Variants in ROBO2 observed in about 807,000 individuals in gnomAD.
ROBO2 encodes roundabout homolog 2.
Under a neutral mutation model 160.8 loss-of-function variants are expected in ROBO2, and 53 were observed. The observed-to-expected ratio is 0.33, with a 90% CI of 0.26 to 0.41. ROBO2 has a LOEUF of 0.41. ROBO2 is among the 10% of genes least tolerant of loss of function. The pLI is 1.00. For missense variants in ROBO2, 1,577 were observed against 1,722.4 expected, an observed-to-expected ratio of 0.92 and a Z score of 1.49; for synonymous variants, 664 against 611.7, an observed-to-expected ratio of 1.09 and a Z score of -1.26.
At chr3:77,023,019 A>G (rs1412372323) in intron 2 of ROBO2, among the ~76,000 whole-genome samples, 1 of 152,256 alleles carries the variant, frequency 6.6e-6, no homozygotes, top group East Asian at 1.9e-4. Context: ...CTACTCTAGG[A>G]ATCTCATATA....
intron 2 of ROBO2, among the ~76,000 whole-genome samples, chr3:76,481,870 A>G (rs1421482183): frequency 6.6e-6 from 1 of 152,110 alleles, no homozygotes; most frequent in African/African-American, 2.4e-5. Flanking sequence ...AGATCTCCCC[A>G]AAAGTGGATT....
chr3:77,549,076 G>C (rs1721187), intron 7 of ROBO2, among the ~76,000 whole-genome samples: 84,783 of 151,544 alleles, frequency 0.56, 23,778 homozygotes, highest in Middle Eastern at 0.68. Context: ...CACTCTCCAA[G>C]GCGGGAAGAG....
chr3:76,609,129 G>T (rs2087882199), intron 2 of ROBO2, among the ~76,000 whole-genome samples: 1 of 152,174 alleles, frequency 6.6e-6, no homozygotes, highest in Admixed American at 6.5e-5. Flanking sequence ...TCTTTCCCCA[G>T]TGCATGTTCT....
chr3:76,083,658 AACCAGC>A (rs2068912696), intron 2 of ROBO2, among the ~76,000 whole-genome samples: 1 of 152,142 alleles, frequency 6.6e-6, no homozygotes, highest in South Asian at 2.1e-4. Flanking sequence ...TCCCTGATAG[AACCAGC>A]ATCTGAAATG....
rs143918254 is a variant in ROBO2, at chr3:76,132,274, C to A, written c.109+194672C>A. Among the ~76,000 whole-genome samples, 461 of 151,954 alleles carry A rather than the reference C, an allele frequency of 3.0e-3. 4 individuals carry two copies. Among genetic ancestry groups the A allele is most frequent in the African/African-American group, 0.011 (444 of 41,468 alleles). The stretch of plus-strand genomic sequence containing the variant: ...AAATTGTGGCAATAGGAGAGACGTG[C>A]TACAGGGCAGCTCTTTGCTGCAGTG... On this transcript the variant is annotated intron_variant, in intron 2 of 26. Coordinates refer to the ROBO2 transcript ENST00000487694.
intron 4 of ROBO2, among the ~76,000 whole-genome samples, chr3:77,489,102 T>A (rs1364354077): frequency 1.3e-5 from 2 of 152,146 alleles, no homozygotes; most frequent in Non-Finnish European, 2.9e-5. Flanking sequence ...GAATAATACT[T>A]TAAAATATGT....
intron 2 of ROBO2, among the ~76,000 whole-genome samples, chr3:76,649,376 C>A (rs1206193413): frequency 6.6e-6 from 1 of 152,042 alleles, no homozygotes; most frequent in Non-Finnish European, 1.5e-5. Context: ...ATTTAATCAC[C>A]AAGAGAATTA....
chr3:77,358,516 A>G (rs1353531193), intron 2 of ROBO2, among the ~76,000 whole-genome samples: 1 of 152,240 alleles, frequency 6.6e-6, no homozygotes, highest in Non-Finnish European at 1.5e-5. Flanking sequence ...CCATAACAAC[A>G]GGAAAAACAC....
chr3:77,234,663 A>G (rs975597102), intron 2 of ROBO2, among the ~76,000 whole-genome samples: 2 of 152,204 alleles, frequency 1.3e-5, no homozygotes, highest in Non-Finnish European at 2.9e-5. Context: ...CACTTTCTTT[A>G]TCCTTTTGTA....
intron 2 of ROBO2, among the ~76,000 whole-genome samples, chr3:76,619,962 T>C (rs113671628): frequency 0.011 from 1,636 of 152,214 alleles, 28 homozygotes; most frequent in South Asian, 0.06. Context: ...AAAATAATTA[T>C]AATAATTAAC....
chr3:76,165,723 G>T (rs910714516), intron 2 of ROBO2, among the ~76,000 whole-genome samples: 7 of 152,150 alleles, frequency 4.6e-5, no homozygotes, highest in Middle Eastern at 6.8e-3. Context: ...AACACATAGA[G>T]ACCATTATAG....
intron 2 of ROBO2, among the ~76,000 whole-genome samples, chr3:77,219,578 T>C (rs1010262489): frequency 1.3e-5 from 2 of 148,658 alleles, no homozygotes; most frequent in African/African-American, 4.9e-5. Flanking sequence ...AGTATTTGAC[T>C]GAGACACTAA....
chr3:77,360,951 A>G (rs983210620), intron 2 of ROBO2, among the ~76,000 whole-genome samples: 1 of 149,524 alleles, frequency 6.7e-6, no homozygotes, highest in African/African-American at 2.5e-5. Context: ...GATTTTTCTT[A>G]ATTTGGTGAT....
chr3:77,009,725 C>G (rs1222414455), intron 2 of ROBO2, among the ~76,000 whole-genome samples: 2 of 151,890 alleles, frequency 1.3e-5, no homozygotes, highest in African/African-American at 4.8e-5. Flanking sequence ...TGGGGAGGGT[C>G]GCCTGAGGTC....
chr3:76,979,472 C>A (rs967969458), intron 2 of ROBO2, among the ~76,000 whole-genome samples: 2 of 151,962 alleles, frequency 1.3e-5, no homozygotes, highest in African/African-American at 2.4e-5. Context: ...TAGTATTTGA[C>A]ATTTTGTTTC....
intron 2 of ROBO2, among the ~76,000 whole-genome samples, chr3:76,225,848 A>T (rs2107442840): frequency 6.6e-6 from 1 of 152,330 alleles, no homozygotes; most frequent in East Asian, 1.9e-4. Flanking sequence ...TATACTTTCA[A>T]ATACCAAAAA....
chr3:75,930,865 C>T (rs962878269), intron 1 of ROBO2, among the ~76,000 whole-genome samples: 3 of 152,210 alleles, frequency 2.0e-5, no homozygotes, highest in Admixed American at 6.5e-5. Context: ...GCCAGATCCA[C>T]ATATTTTCTT....
At chr3:76,928,192 T>C (rs1050182423) in intron 2 of ROBO2, among the ~76,000 whole-genome samples, 4 of 152,134 alleles carry the variant, frequency 2.6e-5, no homozygotes, top group Non-Finnish European at 4.4e-5. Context: ...GGTAACATTG[T>C]TGGCTTTGAA....
intron 2 of ROBO2, among the ~76,000 whole-genome samples, chr3:75,974,963 A>T (rs923158903): frequency 1.3e-5 from 2 of 151,552 alleles, no homozygotes; most frequent in African/African-American, 4.8e-5. Context: ...TCGGGCTATA[A>T]CATATTTTTA....
Sources: gnomAD v4.1 joint callset for allele counts (sites outside exome capture counted in the v4.1 genomes callset) on GRCh38, gnomAD v4.1.1 for gene constraint, MANE v1.5 for transcripts, NCBI Gene and HGNC (gene_info 2026-07-23, HGNC 2026-07-21) for gene names.